The following SASH1 variants were observed in gnomAD, a reference collection of about 807,000 sequenced individuals.
SASH1 encodes the protein SAM and SH3 domain containing 1.
SASH1 carries 44 observed loss-of-function variants against 125.2 expected under a neutral mutation model. That is an observed-to-expected ratio of 0.35 (90% CI 0.28 to 0.45). The LOEUF is 0.45. SASH1 is among the 20% of genes least tolerant of loss of function. The pLI is 1.00. For missense variants in SASH1, 1,426 were observed against 1,614.5 expected (o/e 0.88, Z 2.00); for synonymous variants, 639 against 649.1 (o/e 0.98, Z 0.24).
At chr6:148,468,665 C>T in intron 5 of SASH1, 80 bp downstream of exon 5, 2 of 883,070 alleles carry the variant, frequency 2.3e-6, no homozygotes, top group South Asian at 1.6e-5. Context: ...AAATACAAAA[C>T]CCACAAGAAT....
intron 1 of SASH1, among the ~76,000 whole-genome samples, chr6:148,364,355 T>C (rs1378849145): frequency 2.0e-5 from 3 of 152,116 alleles, no homozygotes; most frequent in Non-Finnish European, 2.9e-5. Flanking sequence ...TGCTCCACTT[T>C]CCTTTGGGGA....
At chr6:148,260,009 C>T in the SASH1 span, among the ~76,000 whole-genome samples, 1 of 152,164 alleles carries the variant, frequency 6.6e-6, no homozygotes, top group East Asian at 1.9e-4. Flanking sequence ...CCTCAGCCTC[C>T]TGAGTAGCTA....
intron 1 of SASH1, among the ~76,000 whole-genome samples, chr6:148,318,181 G>C (rs987110876): frequency 5.9e-5 from 9 of 152,108 alleles, no homozygotes; most frequent in African/African-American, 1.7e-4. Context: ...TCTATGTCTG[G>C]CTGGCATTGA....
intron 2 of SASH1, among the ~76,000 whole-genome samples, chr6:148,433,895 G>A (rs1776168128): frequency 6.6e-6 from 1 of 151,304 alleles, no homozygotes; most frequent in Admixed American, 6.6e-5. Context: ...TATTACAAAA[G>A]GAATTTGTTA....
chr6:148,328,712 T>C (rs1216094774), intron 1 of SASH1, among the ~76,000 whole-genome samples: 1 of 152,170 alleles, frequency 6.6e-6, no homozygotes, highest in Admixed American at 6.5e-5. Context: ...CCACCATAAA[T>C]TGTGATTAGT....
chr6:148,280,672 G>A (rs1779313635), intron 1 of SASH1, among the ~76,000 whole-genome samples: 1 of 152,096 alleles, frequency 6.6e-6, no homozygotes, highest in Non-Finnish European at 1.5e-5. Context: ...GCTGAGTGTG[G>A]TTGCACATGC....
upstream of SASH1, among the ~76,000 whole-genome samples, chr6:148,339,853 T>C (rs947631346): frequency 1.3e-5 from 2 of 152,288 alleles, no homozygotes; most frequent in South Asian, 2.1e-4. Flanking sequence ...CCCGTTTAAT[T>C]ACACTGATGC....
intron 1 of SASH1, among the ~76,000 whole-genome samples, chr6:148,276,348 C>T (rs78769495): frequency 0.038 from 5,821 of 152,258 alleles, 151 homozygotes; most frequent in Middle Eastern, 0.072. Context: ...AAGGAACTTG[C>T]GTCTCTTCTG....
chr6:148,323,780 G>A (rs1217055544), intron 1 of SASH1, among the ~76,000 whole-genome samples: 1 of 152,110 alleles, frequency 6.6e-6, no homozygotes, highest in Non-Finnish European at 1.5e-5. Context: ...TGAGCCACAT[G>A]TATGGAGGCT....
intron 7 of SASH1, among the ~76,000 whole-genome samples, chr6:148,486,071 AC>A (rs1239060494): frequency 2.6e-5 from 4 of 152,200 alleles, no homozygotes; most frequent in Non-Finnish European, 5.9e-5. Context: ...ATAGTAAAAG[AC>A]ATTATAAAAA....
At chr6:148,298,630 G>A (rs1252696012) in intron 1 of SASH1, among the ~76,000 whole-genome samples, 1 of 133,564 alleles carries the variant, frequency 7.5e-6, no homozygotes, top group East Asian at 2.6e-4. Context: ...AGAGTGAGAG[G>A]GATGAAAGAA....
intron 9 of SASH1, among the ~76,000 whole-genome samples, chr6:148,514,725 G>C (rs1296437473): frequency 6.6e-6 from 1 of 151,618 alleles, no homozygotes; most frequent in Non-Finnish European, 1.5e-5. Context: ...TTTTCTCGAG[G>C]TGTAGTATAG....
At chr6:148,406,198 C>T (rs1784364845) in intron 2 of SASH1, among the ~76,000 whole-genome samples, 1 of 152,152 alleles carries the variant, frequency 6.6e-6, no homozygotes, top group Admixed American at 6.5e-5. Flanking sequence ...TGAATTTATT[C>T]AGCAATCTGC....
intron 1 of SASH1, among the ~76,000 whole-genome samples, chr6:148,273,794 T>C (rs1374906455): frequency 6.6e-6 from 1 of 152,202 alleles, no homozygotes; most frequent in African/African-American, 2.4e-5. Flanking sequence ...GGTGGGCTTC[T>C]GGAAGGCTGC....
rs550841024 is a variant in SASH1 at position 148,297,124 on chromosome 6, G to A, written n.74+24747G>A. ...AAGAGCACCCTGAAGAGAGTCTGTC[G>A]TGTGAACTATGGTTCATTCAGCACA... On this transcript the variant is annotated intron_variant and non_coding_transcript_variant, in intron 1 of 3. Coordinates refer to the SASH1 transcript ENST00000367469. 1.1e-4 allele frequency among the ~76,000 whole-genome samples: 16 copies of A among 152,300 alleles called. No homozygotes were observed. The South Asian group carries it at 2.1e-3, about 20-fold the overall frequency.
At chr6:148,316,043 T>G (rs1227409398) in intron 1 of SASH1, among the ~76,000 whole-genome samples, 2 of 152,254 alleles carry the variant, frequency 1.3e-5, no homozygotes, top group African/African-American at 4.8e-5. Flanking sequence ...GTTCATTGAT[T>G]TCCTGGAGCA....
At chr6:148,397,777 A>G (rs1308569915) in intron 2 of SASH1, among the ~76,000 whole-genome samples, 1 of 152,248 alleles carries the variant, frequency 6.6e-6, no homozygotes, top group Non-Finnish European at 1.5e-5. Context: ...GTGTGTAAAT[A>G]TTCAACTGAG....
In SASH1 at chr6:148,544,518, G is replaced by C. The variant is rs752540259; in HGVS notation, c.3048G>C (p.Ala1016=). Residue 1016 remains alanine, a synonymous_variant, in exon 18 of 20, where the codon GCG becomes GCC. Coordinates refer to ENST00000367467, the MANE Select transcript of SASH1 (RefSeq NM_015278.5). This position sits in a 1 kb window ranked among gnomAD's most constrained non-coding sequence, Gnocchi z 6.4. ...GTGGGGCCCTCCCCAGTCCCGATGC[G>C]CCATGCCTGCCAGTGAAAAGGGGCA... ...GPSGALPSPD[A]PCLPVKRGSP... 6.2e-6 allele frequency: 10 copies of C among 1,612,872 alleles called. No individual in the cohort carries two copies. Among genetic ancestry groups the C allele is most frequent in the Non-Finnish European group, 8.5e-6 (10 of 1,179,962 alleles).
In SASH1 at chr6:148,487,637, C is replaced by T. The variant is rs763983389; in HGVS notation, c.651C>T (p.His217=). 2 of 1,613,500 alleles carry T rather than the reference C, an allele frequency of 1.2e-6. No individual in the cohort carries two copies. Among genetic ancestry groups the T allele is most frequent in the East Asian group, 2.2e-5 (1 of 44,796 alleles). Residue 217 remains histidine, a synonymous_variant, in exon 8 of 20, where the codon CAC becomes CAT. Transcript: ENST00000367467. ...AGCTCAAGGAATACGAGGCCCAGCA[C>T]CGGCAGTCGGCTGCCCTGGACCCTG... ...LARLKEYEAQ[H]RQSAALDPAD... is the part of the protein sequence containing the mutation.
Sources: allele counts gnomAD v4.1 joint callset (sites outside exome capture counted in the v4.1 genomes callset), GRCh38; gene constraint gnomAD v4.1.1; non-coding constraint Gnocchi (gnomAD v3.1); transcripts MANE v1.5; gene names NCBI Gene and HGNC (gene_info 2026-07-23, HGNC 2026-07-21).